The following AP1M1 variants were observed in gnomAD, a reference collection of about 807,000 sequenced individuals.
The protein encoded by AP1M1 is AP-1 complex subunit mu-1.
In AP1M1, 18 loss-of-function variants were observed where a neutral mutation model predicts 57.1. That is an observed-to-expected ratio of 0.32 (90% CI 0.22 to 0.47). AP1M1 has a LOEUF of 0.47. Among genes scored for constraint, AP1M1 ranks in the 20% least tolerant of loss-of-function variants. AP1M1 has a pLI of 1.00. For missense variants in AP1M1, 362 were observed against 593.5 expected, an observed-to-expected ratio of 0.61 and a Z score of 4.05; for synonymous variants, 241 against 237.9, an observed-to-expected ratio of 1.01 and a Z score of -0.12.
At chr19:16,213,414 T>A (rs1812588616) in intron 5 of AP1M1, among the ~76,000 whole-genome samples, 1 of 152,178 alleles carries the variant, frequency 6.6e-6, no homozygotes, top group Non-Finnish European at 1.5e-5. Flanking sequence ...CAACTCTGCT[T>A]TTGTCTGTTT....
intron 10 of AP1M1, chr19:16,233,941 C>A: frequency 1.8e-6 from 1 of 552,266 alleles, no homozygotes; most frequent in Non-Finnish European, 3.2e-6. Flanking sequence ...CAGGGGCCTT[C>A]TGGCCGGGCC....
intron 5 of AP1M1, among the ~76,000 whole-genome samples, chr19:16,215,963 T>C (rs1192136149): frequency 1.3e-5 from 2 of 152,210 alleles, no homozygotes; most frequent in Non-Finnish European, 2.9e-5. Context: ...GTACTACTGT[T>C]AATACTTGTG....
chr19:16,240,057 T>C lies in AP1M1; in HGVS notation c.*5622T>C, dbSNP rs1449329444. ...TTTTTTATTGTCATTATTCCTTAAA[T>C]AATACAGTATAATGATTATGTAGCA... On this transcript the variant is annotated 3_prime_UTR_variant, in exon 12 of 12. Coordinates refer to ENST00000291439, the MANE Select transcript of AP1M1 (RefSeq NM_032493.4). 2.0e-5 allele frequency: 3 copies of C among 152,214 alleles called. No homozygotes were observed. Among genetic ancestry groups the C allele is most frequent in the Admixed American group, 6.5e-5 (1 of 15,274 alleles). 9.4% of individuals were successfully genotyped at this position (152,214 alleles called of 1,614,324 possible).
rs115289798 is a variant in AP1M1, at chr19:16,211,881, A to C, written c.546+2704A>C. 6.7e-3 allele frequency among the ~76,000 whole-genome samples: 1,023 copies of C among 152,254 alleles called. 7 individuals are homozygous for C. The highest frequency in any genetic ancestry group is 0.022 in the African/African-American group (911 of 41,540). ...TCATGTAGTTTCTGTCTTTAGTTCT[A>C]TTTATGTGATGAATCATGTTTATTG... On this transcript the variant is annotated intron_variant, in intron 5 of 11. Coordinates refer to ENST00000291439, the MANE Select transcript of AP1M1 (RefSeq NM_032493.4).
chr19:16,232,979 G>A (rs2091605747), intron 9 of AP1M1, among the ~76,000 whole-genome samples: 1 of 152,212 alleles, frequency 6.6e-6, no homozygotes. Context: ...CTCAGTGCAT[G>A]CTCCTTGGTT....
intron 9 of AP1M1, among the ~76,000 whole-genome samples, chr19:16,229,984 T>C (rs1308338866): frequency 6.6e-6 from 1 of 152,202 alleles, no homozygotes; most frequent in East Asian, 1.9e-4. Context: ...TTGGATTAGC[T>C]CCTCTTTTCC....
chr19:16,198,296 A>C, intron 1 of AP1M1: 14 of 307,530 alleles, frequency 4.6e-5, no homozygotes, highest in South Asian at 7.3e-5. Context: ...GGCTGCAGCC[A>C]CCGCGTTGCC....
chr19:16,216,728 G>T (rs377304551), intron 5 of AP1M1, among the ~76,000 whole-genome samples: 15 of 152,324 alleles, frequency 9.8e-5, no homozygotes, highest in African/African-American at 3.6e-4. Flanking sequence ...CTCCTGAACT[G>T]CATGCTCTAA....
At chr19:16,211,203 C>G (rs931078974) in intron 5 of AP1M1, among the ~76,000 whole-genome samples, 36 of 151,662 alleles carry the variant, frequency 2.4e-4, no homozygotes, top group African/African-American at 8.7e-4. Context: ...AAGTGCTTCT[C>G]CAGCCTCAGC....
chr19:16,207,899 G>C lies in AP1M1; in HGVS notation c.268-120G>C, dbSNP rs1226702908. On this transcript the variant is annotated intron_variant, in intron 3 of 11. Coordinates refer to ENST00000291439, the MANE Select transcript of AP1M1 (RefSeq NM_032493.4). The surrounding 1 kb of genome is among the most constrained non-coding windows in gnomAD (Gnocchi z 4.2). The stretch of plus-strand genomic sequence containing the variant: ...GCCCTGTAGCACACCACCGAGCCTG[G>C]GAAGTAGGCTGTTGGTAGGACTTAG... The C allele has an allele frequency of 1.5e-6, 2 of 1,318,564 alleles. No individual in the cohort carries two copies. The highest frequency in any genetic ancestry group is 2.1e-6 in the Non-Finnish European group (2 of 958,128). The allele number at this position is 1,318,564 out of a possible 1,614,324, so 81.7% of individuals were successfully genotyped here.
chr19:16,224,813 G>A (rs1424163661), intron 5 of AP1M1, among the ~76,000 whole-genome samples: 1 of 152,138 alleles, frequency 6.6e-6, no homozygotes. Flanking sequence ...AAAGAGGCAG[G>A]CAAAATCCCA....
At chr19:16,218,186 T>C (rs1599460178) in intron 5 of AP1M1, among the ~76,000 whole-genome samples, 1 of 152,346 alleles carries the variant, frequency 6.6e-6, no homozygotes, top group East Asian at 1.9e-4. Context: ...CCCCGCTCCA[T>C]AGGGAGCAGT....
rs1346014795 is a variant in AP1M1 at position 16,206,266 on chromosome 19, G to A, written c.200-75G>A. The A allele has an allele frequency of 2.0e-6, 3 of 1,479,314 alleles. No homozygotes were observed. The highest frequency in any genetic ancestry group is 1.1e-5 in the South Asian group (1 of 87,516). 91.6% of individuals were successfully genotyped at this position (1,479,314 alleles called of 1,614,324 possible). A position where few individuals can be genotyped will look rare whatever the true frequency, so the allele number is the denominator to read the frequency against. Reference sequence around the variant, plus strand: ...CTCTGAGGGTTGTGAGGGTTAGGGGGTCCCTCCATGAACCAGGATCTTCCA... The same window carrying A: ...CTCTGAGGGTTGTGAGGGTTAGGGGATCCCTCCATGAACCAGGATCTTCCA... On this transcript the variant is annotated intron_variant, in intron 2 of 11. Coordinates refer to ENST00000291439, the MANE Select transcript of AP1M1 (RefSeq NM_032493.4). This position sits in a 1 kb window ranked among gnomAD's most constrained non-coding sequence, Gnocchi z 4.3.
At chr19:16,211,071 T>A (rs979234682) in intron 5 of AP1M1, among the ~76,000 whole-genome samples, 1 of 151,394 alleles carries the variant, frequency 6.6e-6, no homozygotes, top group Non-Finnish European at 1.5e-5. Flanking sequence ...TCCCCCAGTC[T>A]GTAGCTTATC....
chr19:16,230,583 T>G (rs2091591762), intron 9 of AP1M1, among the ~76,000 whole-genome samples: 1 of 152,142 alleles, frequency 6.6e-6, no homozygotes, highest in African/African-American at 2.4e-5. Flanking sequence ...GTATTTTTAA[T>G]AGAGACGGGG....
Position 16,228,660 on chromosome 19 carries a change from G to A in AP1M1, c.889-110G>A, listed in dbSNP as rs1677428606. 4.0e-6 allele frequency: 5 copies of A among 1,254,286 alleles called. No individual in the cohort carries two copies. The highest frequency in any genetic ancestry group is 5.6e-6 in the Non-Finnish European group (5 of 895,150). The allele number at this position is 1,254,286 out of a possible 1,614,324, so 77.7% of individuals were successfully genotyped here. A position where few individuals can be genotyped will look rare whatever the true frequency, so the allele number is the denominator to read the frequency against. On this transcript the variant is annotated intron_variant, in intron 8 of 11. Transcript: ENST00000291439. The surrounding 1 kb of genome is among the most constrained non-coding windows in gnomAD (Gnocchi z 5.0). ...AGTGCCTGGAGAAGTGGGGCCAGGG[G>A]CGGGGCTAGGGAGGATCCCCCGGGC...
Position 16,244,864 on chromosome 19 carries a change from C to T in AP1M1, c.*10429C>T, listed in dbSNP as rs2091657695. 8.1e-6 allele frequency: 1 copy of T among 123,424 alleles called. No individual in the cohort carries two copies. The highest frequency in any genetic ancestry group is 1.8e-5 in the Non-Finnish European group (1 of 54,724). 7.6% of individuals were successfully genotyped at this position (123,424 alleles called of 1,614,324 possible). ...AATAAATAAATAAATAAATAAATAA[C>T]ATGGATAAAATTTGTTGTTTGTTGT... On this transcript the variant is annotated 3_prime_UTR_variant, in exon 12 of 12. Transcript: ENST00000291439.
In AP1M1 at chr19:16,227,771, C is replaced by T. The variant is rs1349259442; in HGVS notation, c.816+81C>T. ...CCAGGAGGTGAAGCCCAGGCAGGCG[C>T]CAGGGCCAGCCCCACCCCACGCTCC... On this transcript the variant is annotated intron_variant, in intron 7 of 11. Transcript: ENST00000291439. The surrounding 1 kb of genome is among the most constrained non-coding windows in gnomAD (Gnocchi z 6.2). The T allele has an allele frequency of 1.3e-6, 2 of 1,523,458 alleles. No individual in the cohort carries two copies. The highest frequency in any genetic ancestry group is 2.7e-5 in the African/African-American group (2 of 73,482). 94.4% of individuals were successfully genotyped at this position (1,523,458 alleles called of 1,614,324 possible). A position where few individuals can be genotyped will look rare whatever the true frequency, so the allele number is the denominator to read the frequency against.
chr19:16,230,700 GTA>G (rs2091592144), intron 9 of AP1M1, among the ~76,000 whole-genome samples: 1 of 152,080 alleles, frequency 6.6e-6, no homozygotes, highest in Non-Finnish European at 1.5e-5. Flanking sequence ...TGCCCGGCTG[GTA>G]AACGTAACTT....
Sources: allele counts gnomAD v4.1 joint callset (sites outside exome capture counted in the v4.1 genomes callset), GRCh38; gene constraint gnomAD v4.1.1; non-coding constraint Gnocchi (gnomAD v3.1); transcripts MANE v1.5; gene names NCBI Gene and HGNC (gene_info 2026-07-23, HGNC 2026-07-21).